THRB: variants seen among roughly 807,000 people sequenced by gnomAD.
THRB encodes the protein nuclear receptor subfamily 1 group A member 2.
Under a neutral mutation model 47.8 loss-of-function variants are expected in THRB, and 12 were observed. The observed-to-expected ratio is 0.25, with a 90% CI of 0.16 to 0.41. THRB has a LOEUF of 0.41. Among genes scored for constraint, THRB ranks in the 10% least tolerant of loss-of-function variants. THRB has a pLI of 1.00. For synonymous variants in THRB, 218 were observed against 212.2 expected, an observed-to-expected ratio of 1.03 and a Z score of -0.24; for missense variants, 348 against 589.2, an observed-to-expected ratio of 0.59 and a Z score of 4.24.
chr3:24,494,326 G>C (rs1339828395), intron 1 of THRB: 2 of 152,356 alleles, frequency 1.3e-5, no homozygotes, highest in Non-Finnish European at 2.9e-5. Flanking sequence ...CATGTCAACA[G>C]CTGGGCTTGG....
At chr3:24,137,227 C>A (rs2034795743) in intron 8 of THRB, among the ~76,000 whole-genome samples, 1 of 152,174 alleles carries the variant, frequency 6.6e-6, no homozygotes, top group Non-Finnish European at 1.5e-5. Flanking sequence ...TTGTGGAGGA[C>A]AGAATGCTTA....
intron 4 of THRB, among the ~76,000 whole-genome samples, chr3:24,212,591 AAAAAAAAG>A: frequency 6.6e-6 from 1 of 151,510 alleles, no homozygotes; most frequent in Admixed American, 6.6e-5. Context: ...AAAAAAAAAA[AAAAAAAAG>A]AAAGAAAAGA....
intron 3 of THRB, among the ~76,000 whole-genome samples, chr3:24,279,890 G>A (rs2054365101): frequency 6.6e-6 from 1 of 152,052 alleles, no homozygotes; most frequent in African/African-American, 2.4e-5. Context: ...GGTCCCCAAA[G>A]GTCTAGGGAT....
chr3:24,198,277 G>A, intron 4 of THRB, among the ~76,000 whole-genome samples: 1 of 152,304 alleles, frequency 6.6e-6, no homozygotes, highest in East Asian at 1.9e-4. Context: ...GTTTCTAAAG[G>A]AAATCTGCTA....
chr3:24,427,148 A>G (rs1020477039), intron 1 of THRB, among the ~76,000 whole-genome samples: 3 of 151,950 alleles, frequency 2.0e-5, no homozygotes, highest in Non-Finnish European at 2.9e-5. Flanking sequence ...CTGTATCTCC[A>G]TTGATTGTAC....
intron 3 of THRB, among the ~76,000 whole-genome samples, chr3:24,291,952 C>T (rs2055965538): frequency 6.6e-6 from 1 of 151,966 alleles, no homozygotes; most frequent in Non-Finnish European, 1.5e-5. Context: ...GAAATTGCAA[C>T]ATTCTGGAAA....
At chr3:24,124,151 C>G (rs149405012) in intron 10 of THRB, among the ~76,000 whole-genome samples, 2 of 152,142 alleles carry the variant, frequency 1.3e-5, no homozygotes, top group African/African-American at 4.8e-5. Context: ...CAATAGGAAT[C>G]GAAACAGGGT....
At chr3:24,394,645 G>A (rs554413186) in intron 1 of THRB, among the ~76,000 whole-genome samples, 1 of 152,198 alleles carries the variant, frequency 6.6e-6, no homozygotes, top group Admixed American at 6.6e-5. Flanking sequence ...CACTCAAACA[G>A]GCAGGAGCAG....
At chr3:24,419,877 C>T (rs577528851) in intron 1 of THRB, among the ~76,000 whole-genome samples, 1 of 151,622 alleles carries the variant, frequency 6.6e-6, no homozygotes, top group South Asian at 2.1e-4. Flanking sequence ...ATTATAATAC[C>T]CCCAGGAAGA....
At chr3:24,234,034 G>A (rs982953093) in intron 3 of THRB, among the ~76,000 whole-genome samples, 3 of 152,190 alleles carry the variant, frequency 2.0e-5, no homozygotes, top group Non-Finnish European at 2.9e-5. Context: ...TAAAGCAGGC[G>A]CTGTGTGTAT....
intron 2 of THRB, among the ~76,000 whole-genome samples, chr3:24,331,450 T>C (rs2061923732): frequency 6.6e-6 from 1 of 152,174 alleles, no homozygotes; most frequent in Non-Finnish European, 1.5e-5. Flanking sequence ...TATGATGACT[T>C]CCTAGTCATC....
intron 2 of THRB, among the ~76,000 whole-genome samples, chr3:24,304,122 T>G (rs2057161928): frequency 5.9e-5 from 9 of 152,154 alleles, no homozygotes. Flanking sequence ...ATTTTGAAAC[T>G]TTTGGAAGTG....
intron 3 of THRB, among the ~76,000 whole-genome samples, chr3:24,284,458 G>T (rs1246310002): frequency 1.3e-5 from 2 of 151,574 alleles, no homozygotes; most frequent in Non-Finnish European, 2.9e-5. Context: ...TTAAACGTTA[G>T]ACCTAAAACC....
intron 2 of THRB, among the ~76,000 whole-genome samples, chr3:24,311,575 G>C (rs754328943): frequency 6.6e-5 from 10 of 152,102 alleles, no homozygotes; most frequent in Non-Finnish European, 1.0e-4. Flanking sequence ...TTTTACACCT[G>C]AGTCCGTATC....
chr3:24,117,689 CTGAG>C lies in THRB; in HGVS notation c.*5191_*5194del, dbSNP rs2030912986. On this transcript the variant is annotated 3_prime_UTR_variant, in exon 11 of 11. Coordinates refer to ENST00000646209, the MANE Select transcript of THRB (RefSeq NM_001354712.2). The stretch of plus-strand genomic sequence containing the variant: ...CAAAAAAAGGAGCTTCCTGAGAATA[CTGAG>C]TAAGTGCACCCAGATCCAGCCATGC... 1 of 152,228 alleles carries C rather than the reference CTGAG, an allele frequency of 6.6e-6. No homozygotes were observed. 9.4% of individuals were successfully genotyped at this position (152,228 alleles called of 1,614,324 possible).
intron 3 of THRB, among the ~76,000 whole-genome samples, chr3:24,248,594 C>T (rs2050345272): frequency 6.6e-6 from 1 of 152,152 alleles, no homozygotes; most frequent in Non-Finnish European, 1.5e-5. Context: ...TGCCAGAGGG[C>T]TTTCTATTCA....
intron 2 of THRB, among the ~76,000 whole-genome samples, chr3:24,305,441 G>C (rs1013677524): frequency 6.6e-6 from 1 of 152,178 alleles, no homozygotes; most frequent in Non-Finnish European, 1.5e-5. Context: ...AGCAATAGAA[G>C]TTGCATGTGT....
At chr3:24,250,871 A>G (rs1217056654) in intron 3 of THRB, among the ~76,000 whole-genome samples, 2 of 152,196 alleles carry the variant, frequency 1.3e-5, no homozygotes, top group Non-Finnish European at 2.9e-5. Context: ...ATCTAGGATC[A>G]GATACCCATA....
At chr3:24,217,312 G>GA (rs1365482035) in intron 4 of THRB, among the ~76,000 whole-genome samples, 1 of 152,038 alleles carries the variant, frequency 6.6e-6, no homozygotes, top group Non-Finnish European at 1.5e-5. Context: ...ACACTTCCAT[G>GA]AAAAATGCCT....
Sources: allele counts gnomAD v4.1 joint callset (sites outside exome capture counted in the v4.1 genomes callset), GRCh38; gene constraint gnomAD v4.1.1; transcripts MANE v1.5; gene names NCBI Gene and HGNC (gene_info 2026-07-23, HGNC 2026-07-21).